DNAAF10: variants seen among roughly 807,000 people sequenced by gnomAD.
The protein encoded by DNAAF10 is dynein axonemal assembly factor 10, also known as WD repeat domain 92.
Under a neutral mutation model 43.7 loss-of-function variants are expected in DNAAF10, and 28 were observed. That is an observed-to-expected ratio of 0.64 (90% confidence interval 0.48 to 0.88). DNAAF10 has a LOEUF of 0.88. Among genes scored for constraint, DNAAF10 ranks in the 40% least tolerant of loss-of-function variants. The probability of loss-of-function intolerance (pLI) is 0.00; values close to 1 mark genes in which losing one functional copy is unlikely to be tolerated. For synonymous variants in DNAAF10, 156 were observed against 157.3 expected (o/e 0.99, Z 0.06); for missense variants, 403 against 439.1 (o/e 0.92, Z 0.73).
intron 1 of DNAAF10, among the ~76,000 whole-genome samples, chr2:68,151,536 A>G (rs1240669426): frequency 6.6e-6 from 1 of 152,196 alleles, no homozygotes; most frequent in African/African-American, 2.4e-5. Flanking sequence ...CCCCCTTTCT[A>G]GAATGTGAGC....
rs17035017 is a variant in DNAAF10, at chr2:68,144,269, G to A, written c.415+316C>T. On this transcript the variant is annotated intron_variant, in intron 3 of 7. Transcript: ENST00000295121. Reference sequence around the variant, plus strand: ...GAAAAGCTGCCACCCACATTATATCGTCAGCTGCCTCAAAAACCTGTAAAG... The same window carrying A: ...GAAAAGCTGCCACCCACATTATATCATCAGCTGCCTCAAAAACCTGTAAAG... Among the ~76,000 whole-genome samples, 201 of 152,226 alleles carry A rather than the reference G, an allele frequency of 1.3e-3. 3 individuals are homozygous for A. In the East Asian group the frequency reaches 0.034, roughly 26 times the overall value.
Position 68,130,428 on chromosome 2 carries a change from C to T in DNAAF10, c.*810G>A, listed in dbSNP as rs1312143322. ...TACAGGCGTGAGCTACCACGCCTGG[C>T]CCACCATTTTGATATTTTATACAAT... On this transcript the variant is annotated 3_prime_UTR_variant, in exon 8 of 8. Coordinates refer to ENST00000295121, the MANE Select transcript of DNAAF10 (RefSeq NM_138458.4). 6.6e-6 allele frequency: 1 copy of T among 152,012 alleles called. No individual in the cohort carries two copies. Among genetic ancestry groups the T allele is most frequent in the Non-Finnish European group, 1.5e-5 (1 of 67,998 alleles). 9.4% of individuals were successfully genotyped at this position (152,012 alleles called of 1,614,324 possible).
chr2:68,131,448 G>A lies in DNAAF10; in HGVS notation c.867-3C>T. ...TTGACCGCTGAATAGGGTATTCACT[G>A]AAAACAAGATCAAAATGGTAAGAGC... is the stretch of plus-strand genomic sequence containing the variant. On this transcript the variant is annotated splice_polypyrimidine_tract_variant and splice_region_variant and intron_variant, in intron 7 of 7. Transcript: ENST00000295121. The A allele has an allele frequency of 6.2e-7, 1 of 1,601,966 alleles. No homozygotes were observed. Among genetic ancestry groups the A allele is most frequent in the Non-Finnish European group, 8.5e-7 (1 of 1,173,078 alleles).
chr2:68,142,181 T>G (rs574948669), intron 3 of DNAAF10, among the ~76,000 whole-genome samples: 1 of 152,372 alleles, frequency 6.6e-6, no homozygotes, highest in African/African-American at 2.4e-5. Flanking sequence ...ATTACCCATT[T>G]TAACCATTGG....
At chr2:68,157,089 G>C in intron 1 of DNAAF10, 172 bp downstream of exon 1, 1 of 934,292 alleles carries the variant, frequency 1.1e-6, no homozygotes, top group Non-Finnish European at 1.6e-6. Flanking sequence ...CGGATGAGAA[G>C]AAAGGTTTTA....
At chr2:68,141,861 CT>C (rs1673189272) in intron 3 of DNAAF10, 66 bp from the exon 4 acceptor site, 13 of 1,327,948 alleles carry the variant, frequency 9.8e-6, no homozygotes, top group Non-Finnish European at 1.4e-5. Flanking sequence ...TTTCTACATT[CT>C]TCTTCTATGG....
intron 3 of DNAAF10, among the ~76,000 whole-genome samples, chr2:68,144,001 C>G (rs1457874826): frequency 6.6e-6 from 1 of 152,102 alleles, no homozygotes; most frequent in African/African-American, 2.4e-5. Flanking sequence ...ATAATAGGTA[C>G]CAAATTTCTC....
At position 68,134,700 on chromosome 2, in the gene DNAAF10, AC is replaced by A; in HGVS notation, c.866+1del. ...AGGAGCAGTGTGCACTGGCAGACTT[AC>A]TACTTCCAGAGGTGAAGGCCGCCGG... On this transcript the variant is annotated splice_donor_variant, in intron 7 of 7. Coordinates refer to ENST00000295121, the MANE Select transcript of DNAAF10 (RefSeq NM_138458.4). LOFTEE classifies it high-confidence loss of function. The A allele has an allele frequency of 6.2e-7, 1 of 1,609,964 alleles. No homozygotes were observed. The highest frequency in any genetic ancestry group is 1.1e-5 in the South Asian group (1 of 90,046).
At chr2:68,146,775 G>C (rs1227689034) in intron 2 of DNAAF10, among the ~76,000 whole-genome samples, 1 of 152,110 alleles carries the variant, frequency 6.6e-6, no homozygotes, top group Non-Finnish European at 1.5e-5. Context: ...GGTCATGTTA[G>C]AAAACATGAT....
intron 6 of DNAAF10, among the ~76,000 whole-genome samples, chr2:68,137,058 C>T (rs1431603908): frequency 6.6e-6 from 1 of 152,128 alleles, no homozygotes; most frequent in Non-Finnish European, 1.5e-5. Context: ...CTTCTAATTG[C>T]TCCTAAACTA....
intron 6 of DNAAF10, among the ~76,000 whole-genome samples, chr2:68,136,409 CTTG>C (rs1284080263): frequency 1.3e-5 from 2 of 152,006 alleles, no homozygotes; most frequent in South Asian, 2.1e-4. Flanking sequence ...TTATAGCTAT[CTTG>C]TTAAGAATTT....
chr2:68,155,666 C>T (rs183169659), intron 1 of DNAAF10, among the ~76,000 whole-genome samples: 1 of 151,956 alleles, frequency 6.6e-6, no homozygotes, highest in East Asian at 1.9e-4. Context: ...GCACTCCGGA[C>T]TGGGACAGAG....
intron 3 of DNAAF10, among the ~76,000 whole-genome samples, chr2:68,143,775 T>C (rs1045232367): frequency 6.6e-6 from 1 of 152,194 alleles, no homozygotes. Context: ...ATATAAGACC[T>C]AAAAGGAAAA....
At chr2:68,134,602 C>T (rs866606545) in intron 7 of DNAAF10, 100 bp downstream of exon 7, 2 of 1,551,808 alleles carry the variant, frequency 1.3e-6, no homozygotes, top group African/African-American at 2.8e-5. Flanking sequence ...TCAAAATGAA[C>T]TAAGTCAAAG....
chr2:68,154,056 G>GT (rs1471824544), intron 1 of DNAAF10, among the ~76,000 whole-genome samples: 2 of 151,548 alleles, frequency 1.3e-5, no homozygotes, highest in African/African-American at 4.8e-5. Context: ...CCAGCCCAGT[G>GT]TAAGTTCTTA....
intron 1 of DNAAF10, among the ~76,000 whole-genome samples, chr2:68,154,511 G>A (rs1432514972): frequency 6.6e-6 from 1 of 152,192 alleles, no homozygotes; most frequent in Non-Finnish European, 1.5e-5. Context: ...CTCCCAAAGT[G>A]CTGGGATTAC....
intron 1 of DNAAF10, among the ~76,000 whole-genome samples, chr2:68,156,497 C>T (rs1042986974): frequency 1.3e-5 from 2 of 152,218 alleles, no homozygotes; most frequent in African/African-American, 2.4e-5. Flanking sequence ...AATTCTTTCA[C>T]TAGTAATCTT....
rs180704847 is a variant in DNAAF10 at position 68,146,568 on chromosome 2, T to C, written c.284+899A>G. Among the ~76,000 whole-genome samples the C allele has an allele frequency of 1.1e-3, 169 of 152,312 alleles. 4 individuals carry two copies. In the East Asian group the frequency reaches 0.029, roughly 26 times the overall value. ...TTTTAAAATAGCATTCAAACTTGCC[T>C]TTCTCACAGTATCTCTCGAAGCATA... On this transcript the variant is annotated intron_variant, in intron 2 of 7. Transcript: ENST00000295121.
chr2:68,139,325 A>G (rs143438592), intron 4 of DNAAF10, among the ~76,000 whole-genome samples: 2 of 152,256 alleles, frequency 1.3e-5, no homozygotes, highest in East Asian at 3.9e-4. Flanking sequence ...GCCTTCTGCC[A>G]TGAGCAGACA....
Sources: allele counts gnomAD v4.1 joint callset (sites outside exome capture counted in the v4.1 genomes callset), GRCh38; gene constraint gnomAD v4.1.1; transcripts MANE v1.5; gene names NCBI Gene and HGNC (gene_info 2026-07-23, HGNC 2026-07-21).